Variants in RNF125 observed in about 807,000 individuals in gnomAD.
RNF125 encodes the protein ring finger protein 125.
A neutral mutation model predicts 26.0 loss-of-function variants in RNF125; 21 were observed. The ratio of observed to expected loss-of-function variants is 0.81; its 90% CI spans 0.57 to 1.16. The LOEUF is 1.16. RNF125 is among the 50% of genes most tolerant of loss of function. The pLI, the probability that RNF125 is intolerant of heterozygous loss-of-function variation, is 0.00. For synonymous variants in RNF125, 95 were observed against 109.2 expected (o/e 0.87, Z 0.81); for missense variants, 270 against 299.4 (o/e 0.90, Z 0.72).
intron 1 of RNF125, among the ~76,000 whole-genome samples, chr18:32,026,779 C>CA (rs1328394587): frequency 6.6e-6 from 1 of 152,152 alleles, no homozygotes; most frequent in Non-Finnish European, 1.5e-5. Context: ...GGAAATAACT[C>CA]AAAATCAAAA....
chr18:32,076,116 T>C (rs1286504757), downstream of RNF125: 15 of 628,964 alleles, frequency 2.4e-5, no homozygotes, highest in East Asian at 3.9e-4. Flanking sequence ...TGATCATCAA[T>C]GATTTCAGAC....
chr18:32,042,075 A>C (rs1411508703), intron 2 of RNF125, 104 bp from the exon 3 acceptor site: 2 of 767,138 alleles, frequency 2.6e-6, no homozygotes, highest in Non-Finnish European at 4.5e-6. Flanking sequence ...TAGTCAGTTG[A>C]TCCCACAGTA....
chr18:32,031,901 CT>C (rs962246700), intron 1 of RNF125, among the ~76,000 whole-genome samples: 7 of 148,580 alleles, frequency 4.7e-5, no homozygotes, highest in African/African-American at 4.9e-5. Flanking sequence ...CAAGCACTTT[CT>C]TTTTTTTTTG....
chr18:32,079,753 ACTT>A, the RNF125 span, among the ~76,000 whole-genome samples: 2 of 152,188 alleles, frequency 1.3e-5, no homozygotes. Flanking sequence ...CTACCAGACA[ACTT>A]CTCTCCTGGA....
chr18:32,044,607 TACCAGCTCAC>T (rs1400392004), intron 3 of RNF125, among the ~76,000 whole-genome samples: 2 of 152,152 alleles, frequency 1.3e-5, no homozygotes, highest in Non-Finnish European at 2.9e-5. Context: ...AATGGTGTGA[TACCAGCTCAC>T]TGCACTTCTC....
intron 4 of RNF125, among the ~76,000 whole-genome samples, chr18:32,046,858 A>G (rs527442640): frequency 9.2e-5 from 14 of 151,604 alleles, no homozygotes; most frequent in South Asian, 2.1e-4. Context: ...GAGGTAAGGC[A>G]GAGTGGATAC....
In RNF125 at chr18:32,032,166, T is replaced by C. The variant is rs550428074; in HGVS notation, c.165-4950T>C. Among the ~76,000 whole-genome samples the C allele has an allele frequency of 2.0e-5, 3 of 152,280 alleles. No homozygotes were observed. In the South Asian group the frequency reaches 6.2e-4, roughly 32 times the overall value. The stretch of plus-strand genomic sequence containing the variant: ...ATCTTGGCTCACTGCATCCTCCGCC[T>C]CCCGGGTTCAAGTGATTCTCCCACC... On this transcript the variant is annotated intron_variant, in intron 1 of 5. Transcript: ENST00000217740.
downstream of RNF125, among the ~76,000 whole-genome samples, chr18:32,074,102 A>T (rs2144527391): frequency 6.6e-6 from 1 of 152,320 alleles, no homozygotes; most frequent in East Asian, 1.9e-4. Flanking sequence ...CAAGTCCCAA[A>T]TCCCAGTGCT....
chr18:32,064,396 C>CTT (rs775086863), intron 4 of RNF125, among the ~76,000 whole-genome samples: 11,451 of 86,368 alleles, frequency 0.13, 1,337 homozygotes, highest in African/African-American at 0.21. Context: ...TTTTCTTTTT[C>CTT]TTTTTTTTTT....
At chr18:32,063,242 AAAG>A (rs1242376522) in intron 4 of RNF125, among the ~76,000 whole-genome samples, 7 of 151,560 alleles carry the variant, frequency 4.6e-5, no homozygotes, top group South Asian at 2.1e-4. Context: ...AAAAAAAAAA[AAAG>A]AAGAATACAT....
intron 2 of RNF125, among the ~76,000 whole-genome samples, chr18:32,037,934 C>T (rs910121996): frequency 1.3e-5 from 2 of 152,138 alleles, no homozygotes; most frequent in Non-Finnish European, 2.9e-5. Context: ...AAGCTGGCCA[C>T]CCCAGCTAGC....
chr18:32,081,129 G>A, the RNF125 span, among the ~76,000 whole-genome samples: 2 of 150,960 alleles, frequency 1.3e-5, no homozygotes, highest in African/African-American at 4.9e-5. Context: ...GGGAGGCAGA[G>A]GTTGCAGTGA....
intron 2 of RNF125, among the ~76,000 whole-genome samples, chr18:32,039,478 G>GAT (rs1036453412): frequency 3.9e-5 from 6 of 152,066 alleles, no homozygotes; most frequent in South Asian, 2.1e-4. Flanking sequence ...ATATATATGT[G>GAT]ATATATATAT....
intron 1 of RNF125, among the ~76,000 whole-genome samples, chr18:32,029,404 G>A (rs2039070205): frequency 6.6e-6 from 1 of 150,624 alleles, no homozygotes; most frequent in African/African-American, 2.4e-5. Flanking sequence ...AGGTGGAACT[G>A]CTTGAACCCC....
chr18:32,047,453 A>G (rs577899991), intron 4 of RNF125, among the ~76,000 whole-genome samples: 1 of 152,352 alleles, frequency 6.6e-6, no homozygotes, highest in South Asian at 2.1e-4. Context: ...GCAATTAATA[A>G]TGCAGACTTT....
chr18:32,021,741 A>G (rs2038988980), intron 1 of RNF125, among the ~76,000 whole-genome samples: 1 of 152,362 alleles, frequency 6.6e-6, no homozygotes, highest in East Asian at 1.9e-4. Context: ...TTTGAATATT[A>G]TAATTTACCA....
At position 32,037,116 on chromosome 18, in the gene RNF125, A is replaced by C. The variant is rs762441388; in HGVS notation, c.165A>C (p.Val55=). 82 of 1,602,216 alleles carry C rather than the reference A, an allele frequency of 5.1e-5. No homozygotes were observed. In the South Asian group the frequency reaches 8.8e-4, roughly 17 times the overall value. Residue 55 remains valine, a splice_region_variant and synonymous_variant, in exon 2 of 6, where the codon GTA becomes GTC. Coordinates refer to ENST00000217740, the MANE Select transcript of RNF125 (RefSeq NM_017831.4). The part of the protein sequence containing the change: ...HQPVRTRCGH[V]FCRSCIATSL... ...TGTATTTTTGGTCTGTTTGGGGTAG[A>C]TTCTGCCGTTCCTGTATTGCTACCA...
chr18:32,030,092 T>C (rs962852455), intron 1 of RNF125, among the ~76,000 whole-genome samples: 2 of 152,248 alleles, frequency 1.3e-5, no homozygotes, highest in Non-Finnish European at 2.9e-5. Flanking sequence ...TCACCCAGGC[T>C]GGAGTGCAGT....
At chr18:32,085,678 C>T in the RNF125 span, among the ~76,000 whole-genome samples, 1 of 85,132 alleles carries the variant, frequency 1.2e-5, no homozygotes, top group Non-Finnish European at 2.1e-5. Context: ...CCAGGTTGGG[C>T]AACAAGAGTG....
Sources: gnomAD v4.1 joint callset for allele counts (sites outside exome capture counted in the v4.1 genomes callset) on GRCh38, gnomAD v4.1.1 for gene constraint, MANE v1.5 for transcripts, NCBI Gene and HGNC (gene_info 2026-07-23, HGNC 2026-07-21) for gene names.